FBXL17: variants seen among roughly 807,000 people sequenced by gnomAD.
FBXL17 encodes F-box/LRR-repeat protein 17.
In FBXL17, 22 loss-of-function variants were observed where a neutral mutation model predicts 66.2. The ratio of observed to expected loss-of-function variants is 0.33; its 90% confidence interval spans 0.24 to 0.47. The LOEUF (loss-of-function observed/expected upper bound fraction) is 0.47, where lower values mean the gene tolerates loss of function less well. Ranked by LOEUF, FBXL17 falls within the 20% of genes least tolerant of loss-of-function variation. The probability of loss-of-function intolerance (pLI) is 1.00; values close to 1 mark genes in which losing one functional copy is unlikely to be tolerated. For synonymous variants in FBXL17, 474 were observed against 400.5 expected (o/e 1.18, Z -2.19); for missense variants, 878 against 948.2 (o/e 0.93, Z 0.97).
chr5:108,196,674 A>T (rs763572112), intron 5 of FBXL17, among the ~76,000 whole-genome samples: 1 of 152,180 alleles, frequency 6.6e-6, no homozygotes, highest in Non-Finnish European at 1.5e-5. Context: ...AAGTTTCCAG[A>T]AATCAGTTCT....
At chr5:107,966,252 T>A (rs1404241105) in intron 7 of FBXL17, among the ~76,000 whole-genome samples, 1 of 152,136 alleles carries the variant, frequency 6.6e-6, no homozygotes, top group Non-Finnish European at 1.5e-5. Context: ...AAGCCCTGAC[T>A]ATCTGTATTT....
chr5:108,347,833 G>C (rs1292674320), intron 4 of FBXL17, among the ~76,000 whole-genome samples: 2 of 152,022 alleles, frequency 1.3e-5, no homozygotes, highest in East Asian at 3.9e-4. Context: ...TATTTTATGT[G>C]AATTATCTCT....
At chr5:108,214,933 G>T (rs567816228) in intron 5 of FBXL17, among the ~76,000 whole-genome samples, 1 of 152,180 alleles carries the variant, frequency 6.6e-6, no homozygotes, top group African/African-American at 2.4e-5. Flanking sequence ...GCATATTCTG[G>T]ACATTTCATA....
chr5:108,044,494 TTCC>T (rs1747173913), intron 6 of FBXL17, among the ~76,000 whole-genome samples: 1 of 152,302 alleles, frequency 6.6e-6, no homozygotes, highest in East Asian at 1.9e-4. Flanking sequence ...CGGGAATAAA[TTCC>T]AGTTGGCCAT....
intron 4 of FBXL17, among the ~76,000 whole-genome samples, chr5:108,310,209 T>A (rs576688026): frequency 2.2e-4 from 33 of 152,260 alleles, no homozygotes; most frequent in African/African-American, 7.7e-4. Context: ...TCACAAAACA[T>A]GTAAGACCTC....
intron 6 of FBXL17, among the ~76,000 whole-genome samples, chr5:108,137,537 T>C (rs983921125): frequency 6.6e-6 from 1 of 152,136 alleles, no homozygotes; most frequent in Non-Finnish European, 1.5e-5. Context: ...GCATGCCACT[T>C]TTGGAAAAGC....
chr5:108,067,246 G>GA (rs1183817048), intron 6 of FBXL17, among the ~76,000 whole-genome samples: 2 of 152,088 alleles, frequency 1.3e-5, no homozygotes, highest in African/African-American at 4.8e-5. Flanking sequence ...TCTGAGACAT[G>GA]TAAAACAGAC....
At chr5:108,049,171 G>A (rs962420669) in intron 6 of FBXL17, among the ~76,000 whole-genome samples, 4 of 151,706 alleles carry the variant, frequency 2.6e-5, no homozygotes, top group Non-Finnish European at 5.9e-5. Flanking sequence ...TTTAGACAGA[G>A]TCTCACTCTT....
chr5:107,924,739 A>G (rs138878905), intron 7 of FBXL17, among the ~76,000 whole-genome samples: 320 of 152,324 alleles, frequency 2.1e-3, no homozygotes, highest in Middle Eastern at 0.014. Flanking sequence ...TTAACCTGAA[A>G]GCAATTTCAC....
In FBXL17 at chr5:107,881,089, A is replaced by C; in HGVS notation, c.1913T>G (p.Ile638Ser). Residue 638 changes from isoleucine (I) to serine (S), a missense_variant, in exon 8 of 9, where the codon ATT becomes AGT. By Grantham distance (142) the Ile-to-Ser change is moderately radical. Around this residue, in one of 4 missense-constraint regions of FBXL17, gnomAD observed 236 missense variants for 389.1 expected, o/e 0.61. Transcript: ENST00000542267. ...TCTCAGAGACTTGCTGCTCTGTGCA[A>C]TCAGGGTGGCTCCTTGGTCTGTGAT... ...KEITDQGATL[I>S]AQSSKSLRYL... The C allele has an allele frequency of 6.2e-7, 1 of 1,614,080 alleles. No individual in the cohort carries two copies. Among genetic ancestry groups the C allele is most frequent in the Non-Finnish European group, 8.5e-7 (1 of 1,179,958 alleles).
chr5:108,092,594 C>A (rs983814778), intron 6 of FBXL17, among the ~76,000 whole-genome samples: 3 of 152,108 alleles, frequency 2.0e-5, no homozygotes, highest in Non-Finnish European at 2.9e-5. Flanking sequence ...GGATTACAGA[C>A]GTTGAGCCAC....
intron 6 of FBXL17, among the ~76,000 whole-genome samples, chr5:108,066,879 T>A (rs1748135643): frequency 6.6e-6 from 1 of 152,018 alleles, no homozygotes; most frequent in Admixed American, 6.5e-5. Context: ...TATGAGAAAA[T>A]TCTATCTGAA....
chr5:108,245,681 C>G (rs1394406272), intron 4 of FBXL17, among the ~76,000 whole-genome samples: 2 of 152,142 alleles, frequency 1.3e-5, no homozygotes, highest in African/African-American at 4.8e-5. Flanking sequence ...ACAAAGAAAA[C>G]CATGCTAGTA....
At chr5:108,214,626 T>C (rs912743568) in intron 5 of FBXL17, among the ~76,000 whole-genome samples, 10 of 152,060 alleles carry the variant, frequency 6.6e-5, no homozygotes, top group Non-Finnish European at 1.3e-4. Context: ...CACCTCGACC[T>C]CCCAAACTGC....
intron 6 of FBXL17, among the ~76,000 whole-genome samples, chr5:108,095,206 T>G (rs1209839637): frequency 6.6e-6 from 1 of 151,968 alleles, no homozygotes; most frequent in Non-Finnish European, 1.5e-5. Flanking sequence ...GAATTCTACT[T>G]TTAAAGGTCC....
At chr5:107,988,809 T>C (rs1312120829) in intron 7 of FBXL17, among the ~76,000 whole-genome samples, 1 of 152,050 alleles carries the variant, frequency 6.6e-6, no homozygotes, top group Non-Finnish European at 1.5e-5. Context: ...TGCAAGTAAC[T>C]GCCCACGCTG....
chr5:107,942,862 T>G (rs548999192), intron 7 of FBXL17, among the ~76,000 whole-genome samples: 27 of 152,182 alleles, frequency 1.8e-4, no homozygotes, highest in Non-Finnish European at 1.6e-4. Flanking sequence ...CACCTTCCAC[T>G]TGCTTCTCTA....
chr5:108,341,969 G>C (rs557282405), intron 4 of FBXL17, among the ~76,000 whole-genome samples: 4 of 152,192 alleles, frequency 2.6e-5, no homozygotes, highest in African/African-American at 9.6e-5. Context: ...CCTCACATAA[G>C]AATAACTATT....
Position 107,935,953 on chromosome 5 carries a change from C to T in FBXL17, c.1823-54774G>A, listed in dbSNP as rs1750895454. Among the ~76,000 whole-genome samples the T allele has an allele frequency of 2.0e-5, 3 of 152,128 alleles. No homozygotes were observed. In the South Asian group the frequency reaches 6.2e-4, roughly 32 times the overall value. On this transcript the variant is annotated intron_variant, in intron 7 of 8. Transcript: ENST00000542267. ...GAAATCCTGGAGAATCTGAGTGGGG[C>T]TGTAGGGTCAAGTACACAGAAAAAC... is the stretch of plus-strand genomic sequence containing the variant.
Sources: allele counts gnomAD v4.1 joint callset (sites outside exome capture counted in the v4.1 genomes callset), GRCh38; gene constraint gnomAD v4.1.1; regional missense constraint gnomAD v4.1.1; transcripts MANE v1.5; gene names NCBI Gene and HGNC (gene_info 2026-07-23, HGNC 2026-07-21).